Variants in PHEX observed in about 807,000 individuals in gnomAD.
PHEX encodes phosphate regulating endopeptidase X-linked.
A neutral mutation model predicts 68.0 loss-of-function variants in PHEX; 16 were observed. That is an observed-to-expected ratio of 0.24 (90% CI 0.16 to 0.36). PHEX has a LOEUF of 0.36. Among genes scored for constraint, PHEX ranks in the 10% least tolerant of loss-of-function variants. The pLI is 1.00. For missense variants in PHEX, 480 were observed against 575.5 expected, an observed-to-expected ratio of 0.83 and a Z score of 1.70; for synonymous variants, 208 against 205.1, an observed-to-expected ratio of 1.01 and a Z score of -0.12.
chrX:22,086,436 C>T (rs1254585941), intron 5 of PHEX, among the ~76,000 whole-genome samples: 1 of 112,058 alleles, frequency 8.9e-6, no homozygotes, highest in Non-Finnish European at 1.9e-5. Context: ...AGCTGGTTGT[C>T]CACCTTGATC....
Position 22,080,378 on chromosome X carries a change from T to C in PHEX, c.663+2676T>C, listed in dbSNP as rs1027166383. Among the ~76,000 whole-genome samples, 8 of 111,796 alleles carry C rather than the reference T, an allele frequency of 7.2e-5. No individual in the cohort carries two copies. The East Asian group carries it at 2.2e-3, about 31-fold the overall frequency. On this transcript the variant is annotated intron_variant, in intron 5 of 21. Transcript: ENST00000379374. Reference sequence around the variant, plus strand: ...TTTGCTTAAGTTCTGTTCCTGTTTGTACCTTTTTCCATGACTGAATATTCA... The same window carrying C: ...TTTGCTTAAGTTCTGTTCCTGTTTGCACCTTTTTCCATGACTGAATATTCA...
intron 20 of PHEX, among the ~76,000 whole-genome samples, chrX:22,241,304 A>C (rs2147207630): frequency 8.9e-6 from 1 of 112,457 alleles, no homozygotes; most frequent in East Asian, 2.8e-4. Flanking sequence ...TATAACACTA[A>C]ATGCCCACAA....
chrX:22,147,910 GT>G (rs11393085), intron 12 of PHEX, among the ~76,000 whole-genome samples: 3 of 99,349 alleles, frequency 3.0e-5, no homozygotes, highest in Admixed American at 1.1e-4. Flanking sequence ...TTTGTGCTAT[GT>G]TTTTTTTTTT....
rs188837522 is a variant in PHEX at position 22,213,488 on chromosome X, A to G, written c.1700+530A>G. Among the ~76,000 whole-genome samples the G allele has an allele frequency of 2.8e-3, 318 of 112,172 alleles. 1 individual carries two copies. Among genetic ancestry groups the G allele is most frequent in the Non-Finnish European group, 4.5e-3 (240 of 53,278 alleles). On this transcript the variant is annotated intron_variant, in intron 16 of 21. Coordinates refer to ENST00000379374, the MANE Select transcript of PHEX (RefSeq NM_000444.6). Reference sequence around the variant, plus strand: ...TGAACTTTTTGAGCAAGTTAGTAAGATAATCGAATTTATCTTTAGAAATAT... The same window carrying G: ...TGAACTTTTTGAGCAAGTTAGTAAGGTAATCGAATTTATCTTTAGAAATAT...
intron 12 of PHEX, among the ~76,000 whole-genome samples, chrX:22,151,592 A>G (rs1461815779): frequency 9.0e-6 from 1 of 111,167 alleles, no homozygotes; most frequent in East Asian, 2.8e-4. Context: ...AATTTCCTCT[A>G]TGAGATTGAC....
intron 2 of PHEX, among the ~76,000 whole-genome samples, chrX:22,044,737 A>G (rs868290353): frequency 2.6e-4 from 20 of 76,487 alleles, no homozygotes; most frequent in African/African-American, 8.6e-4. Flanking sequence ...TAAATAAATA[A>G]ATAATAAAAA....
At chrX:22,208,812 T>C (rs1187435885) in intron 15 of PHEX, among the ~76,000 whole-genome samples, 1 of 112,197 alleles carries the variant, frequency 8.9e-6, no homozygotes, top group Non-Finnish European at 1.9e-5. Context: ...ATGTAACATA[T>C]GTGTTCTTAA....
intron 20 of PHEX, among the ~76,000 whole-genome samples, chrX:22,227,837 G>A (rs930905656): frequency 9.1e-6 from 1 of 109,793 alleles, no homozygotes; most frequent in Non-Finnish European, 1.9e-5. Flanking sequence ...AATCAAATGG[G>A]TTAGCAGCCC....
At chrX:22,200,329 C>T (rs1934507062) in intron 15 of PHEX, among the ~76,000 whole-genome samples, 1 of 112,446 alleles carries the variant, frequency 8.9e-6, no homozygotes, top group Non-Finnish European at 1.9e-5. Flanking sequence ...ACGTGATAGG[C>T]TGGGTGCAGT....
chrX:22,239,452 G>A (rs769449765), intron 20 of PHEX, among the ~76,000 whole-genome samples: 1 of 111,099 alleles, frequency 9.0e-6, no homozygotes, highest in Non-Finnish European at 1.9e-5. Context: ...CGAGGTAAAG[G>A]AGCATGTTCT....
chrX:22,216,527 ATTT>A, intron 16 of PHEX, among the ~76,000 whole-genome samples: 1 of 102,535 alleles, frequency 9.8e-6, no homozygotes, highest in South Asian at 4.1e-4. Context: ...TTATTTATTT[ATTT>A]ATTTATGAGA....
chrX:22,097,665 G>T (rs1252732801), intron 8 of PHEX: 22 of 546,997 alleles, frequency 4.0e-5, no homozygotes, highest in African/African-American at 5.1e-5. Flanking sequence ...AGGAAGAAAA[G>T]GTTGGGAAAA....
intron 12 of PHEX, among the ~76,000 whole-genome samples, chrX:22,156,482 C>T (rs1353920409): frequency 9.2e-6 from 1 of 108,240 alleles, no homozygotes; most frequent in East Asian, 2.9e-4. Context: ...ACCTTCAGCT[C>T]AAAATAGTCC....
chrX:22,250,013 C>T lies in PHEX; in HGVS notation c.*2060C>T, dbSNP rs1936526066. 9.0e-6 allele frequency: 1 copy of T among 111,712 alleles called. No individual in the cohort carries two copies. Among genetic ancestry groups the T allele is most frequent in the Non-Finnish European group, 1.9e-5 (1 of 53,178 alleles). The allele number at this position is 111,712 out of a possible 1,213,427, so 9.2% of individuals were successfully genotyped here. Reference sequence around the variant, plus strand: ...GGTTGGTGATTAGTTGGGGCCCTCACAGTTTCTAGATGAGAAGCTTACCTT... The same window carrying T: ...GGTTGGTGATTAGTTGGGGCCCTCATAGTTTCTAGATGAGAAGCTTACCTT... On this transcript the variant is annotated 3_prime_UTR_variant, in exon 22 of 22. Coordinates refer to ENST00000379374, the MANE Select transcript of PHEX (RefSeq NM_000444.6).
At chrX:22,224,565 C>G (rs1935381074) in intron 18 of PHEX, among the ~76,000 whole-genome samples, 1 of 111,324 alleles carries the variant, frequency 9.0e-6, no homozygotes, top group Non-Finnish European at 1.9e-5. Flanking sequence ...AATGGGTGCA[C>G]AGTTTAGGCA....
chrX:22,217,756 C>T (rs938217775), intron 16 of PHEX, among the ~76,000 whole-genome samples: 9 of 111,585 alleles, frequency 8.1e-5, no homozygotes, highest in South Asian at 7.5e-4. Flanking sequence ...TACTTTCTTA[C>T]GCTGTACAAG....
intron 10 of PHEX, among the ~76,000 whole-genome samples, chrX:22,113,741 C>T (rs1488961684): frequency 9.1e-6 from 1 of 110,267 alleles, no homozygotes; most frequent in African/African-American, 3.3e-5. Flanking sequence ...TGATCACCCA[C>T]TGATTCTAGA....
intron 9 of PHEX, among the ~76,000 whole-genome samples, chrX:22,103,194 G>A (rs1057045970): frequency 6.2e-5 from 7 of 112,027 alleles, no homozygotes; most frequent in Non-Finnish European, 1.3e-4. Context: ...GGAGATGCTA[G>A]CGTATTGTAC....
chrX:22,159,181 T>G (rs1364239625), intron 12 of PHEX, among the ~76,000 whole-genome samples: 1 of 113,646 alleles, frequency 8.8e-6, no homozygotes, highest in East Asian at 2.8e-4. Context: ...TGTTAAGCAC[T>G]TACTGTGTAC....
Sources: gnomAD v4.1 joint callset for allele counts (sites outside exome capture counted in the v4.1 genomes callset) on GRCh38, gnomAD v4.1.1 for gene constraint, MANE v1.5 for transcripts, NCBI Gene and HGNC (gene_info 2026-07-23, HGNC 2026-07-21) for gene names.